The following PCDHGB7 variants were observed in gnomAD, a reference collection of about 807,000 sequenced individuals.
The protein encoded by PCDHGB7 is protocadherin gamma-B7.
In PCDHGB7, 37 loss-of-function variants were observed where a neutral mutation model predicts 61.4. The ratio of observed to expected loss-of-function variants is 0.60; its 90% CI spans 0.46 to 0.79. PCDHGB7 has a LOEUF of 0.79. Ranked by LOEUF, PCDHGB7 falls within the 30% of genes least tolerant of loss-of-function variation. PCDHGB7 has a pLI of 0.00. For missense variants in PCDHGB7, 1,166 were observed against 1,202.5 expected (o/e 0.97, Z 0.45); for synonymous variants, 464 against 503.5 (o/e 0.92, Z 1.05).
chr5:141,436,383 G>A (rs1374382672), intron 1 of PCDHGB7, among the ~76,000 whole-genome samples: 1 of 152,104 alleles, frequency 6.6e-6, no homozygotes, highest in Admixed American at 6.5e-5. Flanking sequence ...AGCTGAATAG[G>A]CTTTATTAAA....
intron 1 of PCDHGB7, among the ~76,000 whole-genome samples, chr5:141,484,723 G>T (rs930331672): frequency 1.3e-5 from 2 of 151,930 alleles, no homozygotes; most frequent in Non-Finnish European, 2.9e-5. Flanking sequence ...AAGGGGCGGG[G>T]TCAGTCGGTG....
intron 1 of PCDHGB7, among the ~76,000 whole-genome samples, chr5:141,439,495 C>A (rs142329128): frequency 6.6e-6 from 1 of 152,206 alleles, no homozygotes; most frequent in Non-Finnish European, 1.5e-5. Context: ...CAGTGAGAAA[C>A]GTCTTTCTCT....
intron 1 of PCDHGB7, chr5:141,428,402 G>T (rs899477196): frequency 1.7e-5 from 8 of 479,776 alleles, no homozygotes; most frequent in African/African-American, 1.4e-4. Flanking sequence ...TCTGCCTGGG[G>T]TTGCTTTCAC....
Position 141,486,427 on chromosome 5 carries a change from A to G in PCDHGB7, c.2416-8380A>G. On this transcript the variant is annotated intron_variant, in intron 1 of 3. Transcript: ENST00000398594. This position sits in a 1 kb window ranked among gnomAD's most constrained non-coding sequence, Gnocchi z 5.0. ...CTGGACCCTTGGATCGAGAGGCCAA[A>G]TCTAGCTATGACATCATGGTCACTG... The G allele has an allele frequency of 6.2e-7, 1 of 1,614,160 alleles. No homozygotes were observed. Among genetic ancestry groups the G allele is most frequent in the Non-Finnish European group, 8.5e-7 (1 of 1,180,016 alleles).
At position 141,490,006 on chromosome 5, in the gene PCDHGB7, C is replaced by T; in HGVS notation, c.2416-4801C>T. The stretch of plus-strand genomic sequence containing the variant: ...ACGTGTGGGAATCCCAGAGAATGCA[C>T]CCATTGGTACTCTGCTGCTCCGCCT... On this transcript the variant is annotated intron_variant, in intron 1 of 3. Coordinates refer to ENST00000398594, the MANE Select transcript of PCDHGB7 (RefSeq NM_018927.4). This position sits in a 1 kb window ranked among gnomAD's most constrained non-coding sequence, Gnocchi z 5.4. 2 of 1,614,222 alleles carry T rather than the reference C, an allele frequency of 1.2e-6. No homozygotes were observed. The highest frequency in any genetic ancestry group is 1.7e-6 in the Non-Finnish European group (2 of 1,180,010).
At chr5:141,427,997 A>C (rs1471083920) in intron 1 of PCDHGB7, 2 of 1,600,232 alleles carry the variant, frequency 1.2e-6, no homozygotes, top group African/African-American at 2.7e-5. Flanking sequence ...ATGGCTCCGC[A>C]CTCTTCGATA....
At chr5:141,499,356 C>A (rs1472104991) in intron 2 of PCDHGB7, among the ~76,000 whole-genome samples, 1 of 152,062 alleles carries the variant, frequency 6.6e-6, no homozygotes, top group Non-Finnish European at 1.5e-5. Context: ...ATTCAACAAA[C>A]AAATAGCAAC....
chr5:141,459,025 A>C (rs2098959135), intron 1 of PCDHGB7, among the ~76,000 whole-genome samples: 1 of 152,336 alleles, frequency 6.6e-6, no homozygotes, highest in Non-Finnish European at 1.5e-5. Flanking sequence ...GAGCCACCAC[A>C]TCCAGCCTTA....
rs1211398299 is a variant in PCDHGB7 at position 141,420,143 on chromosome 5, A to G, written c.2284A>G (p.Asn762Asp). The G allele has an allele frequency of 1.2e-6, 2 of 1,614,052 alleles. No homozygotes were observed. The highest frequency in any genetic ancestry group is 2.2e-5 in the East Asian group (1 of 44,888). The change falls in exon 1 of 4, where the codon AAT (asparagine) becomes GAT (aspartate). Residue 762 changes from asparagine to aspartate, a missense_variant. Asn to Asp is a conservative substitution (Grantham distance 23). Transcript: ENST00000398594. Reference protein sequence around the residue: ...YNFCVPGDQMNPEFNFFTSVD... With the variant: ...YNFCVPGDQMDPEFNFFTSVD... The stretch of plus-strand genomic sequence containing the variant: ...TTTTTGTGTGCCTGGGGATCAAATG[A>G]ATCCAGAATTTAATTTTTTCACATC...
chr5:141,457,997 G>A (rs2098934533), intron 1 of PCDHGB7, among the ~76,000 whole-genome samples: 1 of 152,152 alleles, frequency 6.6e-6, no homozygotes, highest in Non-Finnish European at 1.5e-5. Context: ...TAAAGCCTTG[G>A]CAAAATAACC....
At position 141,423,431 on chromosome 5, in the gene PCDHGB7, G is replaced by A. The variant is rs1220133197; in HGVS notation, c.2415+3157G>A. On this transcript the variant is annotated intron_variant, in intron 1 of 3. Coordinates refer to ENST00000398594, the MANE Select transcript of PCDHGB7 (RefSeq NM_018927.4). ...CAGGCTTCTGAAGGCGGGTTGGCAGGTATGCCCACGTCACATTTTGTAGGC... is the reference window on the plus strand; with the variant it reads ...CAGGCTTCTGAAGGCGGGTTGGCAGATATGCCCACGTCACATTTTGTAGGC... 3 of 1,613,892 alleles carry A rather than the reference G, an allele frequency of 1.9e-6. No homozygotes were observed. Among genetic ancestry groups the A allele is most frequent in the Admixed American group, 3.3e-5 (2 of 60,012 alleles).
Position 141,485,563 on chromosome 5 carries a change from C to T in PCDHGB7, c.2416-9244C>T, listed in dbSNP as rs746689576. The T allele has an allele frequency of 1.2e-5, 19 of 1,612,904 alleles. No homozygotes were observed. In the South Asian group the frequency reaches 1.6e-4, roughly 14 times the overall value. ...AGATCGTAGATGTGAATGATCACGCCCCCCGTTTTCCGCGGCAGCAGCTGG... is the reference window on the plus strand; with the variant it reads ...AGATCGTAGATGTGAATGATCACGCTCCCCGTTTTCCGCGGCAGCAGCTGG... On this transcript the variant is annotated intron_variant, in intron 1 of 3. Coordinates refer to ENST00000398594, the MANE Select transcript of PCDHGB7 (RefSeq NM_018927.4). This position sits in a 1 kb window ranked among gnomAD's most constrained non-coding sequence, Gnocchi z 5.7.
At position 141,489,545 on chromosome 5, in the gene PCDHGB7, G is replaced by A. The variant is rs1396651116; in HGVS notation, c.2416-5262G>A. On this transcript the variant is annotated intron_variant, in intron 1 of 3. Transcript: ENST00000398594. The surrounding 1 kb of genome is among the most constrained non-coding windows in gnomAD (Gnocchi z 4.5). ...AGCCTATGTGGAGCCAGCACCAGCT[G>A]CCTGCTGCCAGTGCAGGTGGTGACT... 3 of 1,613,984 alleles carry A rather than the reference G, an allele frequency of 1.9e-6. No individual in the cohort carries two copies. The highest frequency in any genetic ancestry group is 2.5e-6 in the Non-Finnish European group (3 of 1,180,022).
chr5:141,477,898 AG>A lies in PCDHGB7; in HGVS notation c.2416-16907del. The stretch of plus-strand genomic sequence containing the variant: ...CTGGCCACCTAGTGTCACGGGTGGT[AG>A]GCTGGGACGCGGATGCAGGGCACAA... On this transcript the variant is annotated intron_variant, in intron 1 of 3. Coordinates refer to ENST00000398594, the MANE Select transcript of PCDHGB7 (RefSeq NM_018927.4). The surrounding 1 kb of genome is among the most constrained non-coding windows in gnomAD (Gnocchi z 4.9). The A allele has an allele frequency of 6.2e-7, 1 of 1,614,158 alleles. No individual in the cohort carries two copies. Among genetic ancestry groups the A allele is most frequent in the Non-Finnish European group, 8.5e-7 (1 of 1,180,036 alleles).
intron 2 of PCDHGB7, among the ~76,000 whole-genome samples, chr5:141,503,800 C>T (rs756250566): frequency 1.3e-5 from 2 of 151,994 alleles, no homozygotes; most frequent in South Asian, 2.1e-4. Flanking sequence ...TACTTAGGGA[C>T]GGGGAATCCC....
rs1590216182 is a variant in PCDHGB7, at chr5:141,420,181, T to C, written c.2322T>C (p.Cys774=). The C allele has an allele frequency of 6.2e-7, 1 of 1,613,998 alleles. No homozygotes were observed. The highest frequency in any genetic ancestry group is 8.5e-7 in the Non-Finnish European group (1 of 1,179,842). The change falls in exon 1 of 4, where the codon TGT becomes TGC. Residue 774 remains cysteine (C), a synonymous_variant. Transcript: ENST00000398594. ...ATTTTTTCACATCTGTTGATCATTG[T>C]CCAGCCACACAAGATAACCTCAACA... ...EFNFFTSVDH[C]PATQDNLNKD...
intron 1 of PCDHGB7, among the ~76,000 whole-genome samples, chr5:141,463,762 T>C (rs113547206): frequency 2.0e-5 from 3 of 152,214 alleles, no homozygotes; most frequent in African/African-American, 4.8e-5. Flanking sequence ...TCTTCTCTTA[T>C]GGGTTAGAAT....
intron 1 of PCDHGB7, chr5:141,428,109 G>A: frequency 1.2e-6 from 2 of 1,607,850 alleles, no homozygotes; most frequent in Non-Finnish European, 1.7e-6. Context: ...CGTGCTGCAG[G>A]CCATCGAGCC....
chr5:141,433,255 A>G (rs2097579829), intron 1 of PCDHGB7: 2 of 1,401,470 alleles, frequency 1.4e-6, no homozygotes, highest in South Asian at 1.4e-5. Context: ...ATGCAGCGGT[A>G]CGATCATAGC....
Sources: allele counts gnomAD v4.1 joint callset (sites outside exome capture counted in the v4.1 genomes callset), GRCh38; gene constraint gnomAD v4.1.1; non-coding constraint Gnocchi (gnomAD v3.1); transcripts MANE v1.5; gene names NCBI Gene and HGNC (gene_info 2026-07-23, HGNC 2026-07-21).